The following DGKI variants were observed in gnomAD, a reference collection of about 807,000 sequenced individuals.
DGKI encodes diacylglycerol kinase iota, also known as DAG kinase iota.
Under a neutral mutation model 147.5 loss-of-function variants are expected in DGKI, and 55 were observed. The ratio of observed to expected loss-of-function variants is 0.37; its 90% CI spans 0.30 to 0.47. DGKI has a LOEUF of 0.47. DGKI is among the 20% of genes least tolerant of loss of function. The pLI is 1.00. For synonymous variants in DGKI, 469 were observed against 477.1 expected (o/e 0.98, Z 0.22); for missense variants, 1,007 against 1,323.8 (o/e 0.76, Z 3.71).
At chr7:137,616,110 A>G (rs1279724438) in intron 8 of DGKI, among the ~76,000 whole-genome samples, 1 of 152,144 alleles carries the variant, frequency 6.6e-6, no homozygotes, top group Non-Finnish European at 1.5e-5. Flanking sequence ...ATAGTGAGGC[A>G]GTGTGGCATA....
At chr7:137,721,739 A>G (rs1391742152) in intron 1 of DGKI, among the ~76,000 whole-genome samples, 1 of 152,176 alleles carries the variant, frequency 6.6e-6, no homozygotes, top group Non-Finnish European at 1.5e-5. Flanking sequence ...GGCCTATACA[A>G]TCTGGCCATT....
intron 5 of DGKI, among the ~76,000 whole-genome samples, 193 bp from the exon 6 acceptor site, chr7:137,645,730 T>C (rs958029447): frequency 3.9e-5 from 6 of 152,192 alleles, no homozygotes; most frequent in African/African-American, 2.4e-5. Flanking sequence ...CTGCACTTGA[T>C]TGAGTATGTT....
intron 15 of DGKI, among the ~76,000 whole-genome samples, chr7:137,579,427 C>T (rs1170492342): frequency 1.1e-5 from 1 of 93,090 alleles, no homozygotes; most frequent in African/African-American, 5.6e-5. Flanking sequence ...TACAAATGAA[C>T]AGAAACAGTA....
chr7:137,666,316 T>TCCTACTGC (rs1822638712), intron 3 of DGKI, among the ~76,000 whole-genome samples: 1 of 152,148 alleles, frequency 6.6e-6, no homozygotes, highest in Non-Finnish European at 1.5e-5. Flanking sequence ...GGCAGTAGGA[T>TCCTACTGC]CACTTAAGCC....
At chr7:137,761,304 A>G (rs1466972541) in intron 1 of DGKI, among the ~76,000 whole-genome samples, 1 of 152,092 alleles carries the variant, frequency 6.6e-6, no homozygotes, top group Admixed American at 6.5e-5. Context: ...GCATCCTTTC[A>G]TTTATGTTCA....
chr7:137,472,389 A>ACATAAT (rs1815003632), intron 23 of DGKI, among the ~76,000 whole-genome samples: 1 of 5,896 alleles, frequency 1.7e-4, no homozygotes, highest in African/African-American at 4.4e-4. Context: ...GTATATATAC[A>ACATAAT]TATTATAATT....
intron 28 of DGKI, among the ~76,000 whole-genome samples, chr7:137,434,681 C>A (rs1813214915): frequency 6.6e-6 from 1 of 152,066 alleles, no homozygotes; most frequent in Non-Finnish European, 1.5e-5. Flanking sequence ...ACCAACAAAG[C>A]ATTCCAGAAA....
rs922551826 is a variant in DGKI, at chr7:137,791,061, G to C, written c.401+55401C>G. ...CTCATTAGCAAGGAAACCAGCCCAA[G>C]TGAGCAATGGCATGTGACAAGCACC... On this transcript the variant is annotated intron_variant, in intron 1 of 32. Transcript: ENST00000614521. 2.0e-5 allele frequency among the ~76,000 whole-genome samples: 3 copies of C among 152,122 alleles called. No individual in the cohort carries two copies. In the South Asian group the frequency reaches 6.2e-4, roughly 32 times the overall value.
chr7:137,817,179 G>A (rs564133599), intron 1 of DGKI, among the ~76,000 whole-genome samples: 5 of 152,126 alleles, frequency 3.3e-5, no homozygotes, highest in Non-Finnish European at 5.9e-5. Flanking sequence ...CTTGACCTTT[G>A]TAGAAGACCC....
At position 137,631,767 on chromosome 7, in the gene DGKI, A is replaced by AG. The variant is rs201128525; in HGVS notation, c.805-8214_805-8213insC. 1.7e-3 allele frequency among the ~76,000 whole-genome samples: 256 copies of AG among 152,314 alleles called. 3 individuals carry two copies. The highest frequency in any genetic ancestry group is 5.7e-3 in the African/African-American group (237 of 41,562). On this transcript the variant is annotated intron_variant, in intron 6 of 32. Transcript: ENST00000614521. ...ATGAACCATGTTAAGTAAAGTAAAAATGCCTGAATTGCTGTGACAGAGGAA... is the reference window on the plus strand; with the variant it reads ...ATGAACCATGTTAAGTAAAGTAAAAAGTGCCTGAATTGCTGTGACAGAGGAA...
chr7:137,647,402 T>C (rs1265773185), intron 5 of DGKI, among the ~76,000 whole-genome samples: 1 of 152,212 alleles, frequency 6.6e-6, no homozygotes, highest in Non-Finnish European at 1.5e-5. Context: ...TCTGACATAA[T>C]AGGTCTCCAG....
chr7:137,726,782 T>C (rs1794730941), intron 1 of DGKI, among the ~76,000 whole-genome samples: 2 of 152,198 alleles, frequency 1.3e-5, no homozygotes, highest in South Asian at 4.1e-4. Flanking sequence ...GCTATATTAC[T>C]ATTGATCTCT....
chr7:137,547,733 G>A (rs919732275), intron 20 of DGKI, among the ~76,000 whole-genome samples: 4 of 152,116 alleles, frequency 2.6e-5, no homozygotes, highest in Non-Finnish European at 4.4e-5. Flanking sequence ...AGGGAGGAGT[G>A]AATCAATGAT....
intron 28 of DGKI, among the ~76,000 whole-genome samples, chr7:137,437,727 G>A (rs1813336882): frequency 6.6e-6 from 1 of 151,924 alleles, no homozygotes; most frequent in Admixed American, 6.6e-5. Flanking sequence ...ACAGATATCT[G>A]GACTCATACC....
At chr7:137,410,097 C>T (rs1024756184) in intron 29 of DGKI, among the ~76,000 whole-genome samples, 1 of 152,110 alleles carries the variant, frequency 6.6e-6, no homozygotes, top group African/African-American at 2.4e-5. Context: ...AGTAAATATT[C>T]CATCTCTCAG....
At chr7:137,526,514 G>A (rs1034590315) in intron 20 of DGKI, among the ~76,000 whole-genome samples, 2 of 151,982 alleles carry the variant, frequency 1.3e-5, no homozygotes, top group African/African-American at 4.8e-5. Context: ...TGTCTCCCAT[G>A]AACACTTTCT....
At chr7:137,844,032 C>T (rs1036365323) in intron 1 of DGKI, among the ~76,000 whole-genome samples, 1 of 152,034 alleles carries the variant, frequency 6.6e-6, no homozygotes, top group Non-Finnish European at 1.5e-5. Context: ...TCCTCAGGTG[C>T]CCCCAGAAGG....
intron 20 of DGKI, among the ~76,000 whole-genome samples, chr7:137,527,881 C>T (rs1463778088): frequency 2.0e-5 from 3 of 152,100 alleles, no homozygotes; most frequent in African/African-American, 4.8e-5. Flanking sequence ...TAATAGAATT[C>T]ATTTGAACTG....
rs1811340496 is a variant in DGKI, at chr7:137,391,008, T to C, written c.*212A>G. ...TGGAACTCGTACTGTATTCCACAAA[T>C]CTCCAGGTATCCTGCCTCCTTCTCA... On this transcript the variant is annotated 3_prime_UTR_variant, in exon 33 of 33. Transcript: ENST00000614521. 5 of 563,262 alleles carry C rather than the reference T, an allele frequency of 8.9e-6. No homozygotes were observed. Among genetic ancestry groups the C allele is most frequent in the South Asian group, 4.1e-5 (2 of 48,452 alleles). 34.9% of individuals were successfully genotyped at this position (563,262 alleles called of 1,614,324 possible).
Sources: gnomAD v4.1 joint callset for allele counts (sites outside exome capture counted in the v4.1 genomes callset) on GRCh38, gnomAD v4.1.1 for gene constraint, MANE v1.5 for transcripts, NCBI Gene and HGNC (gene_info 2026-07-23, HGNC 2026-07-21) for gene names.